ARHGAP5: variants seen among roughly 807,000 people sequenced by gnomAD.
ARHGAP5 encodes Rho GTPase activating protein 5.
Under a neutral mutation model 116.6 loss-of-function variants are expected in ARHGAP5, and 23 were observed. The ratio of observed to expected loss-of-function variants is 0.20; its 90% CI spans 0.14 to 0.28. The LOEUF (loss-of-function observed/expected upper bound fraction) is 0.28, where lower values mean the gene tolerates loss of function less well. ARHGAP5 is among the 10% of genes least tolerant of loss of function. The pLI, the probability that ARHGAP5 is intolerant of heterozygous loss-of-function variation, is 1.00. For synonymous variants in ARHGAP5, 574 were observed against 602.0 expected (o/e 0.95, Z 0.68); for missense variants, 1,405 against 1,774.8 (o/e 0.79, Z 3.74).
At chr14:32,137,930 C>G (rs949777987) in intron 3 of ARHGAP5, among the ~76,000 whole-genome samples, 1 of 150,832 alleles carries the variant, frequency 6.6e-6, no homozygotes, top group African/African-American at 2.4e-5. Flanking sequence ...CAAGATCATG[C>G]CATTGCACTC....
chr14:32,086,057 C>CTTT (rs2041826402), intron 1 of ARHGAP5, among the ~76,000 whole-genome samples: 1 of 152,084 alleles, frequency 6.6e-6, no homozygotes, highest in Admixed American at 6.6e-5. Flanking sequence ...CCTTGTGACT[C>CTTT]TTTTATTAAG....
chr14:32,117,313 G>A, intron 3 of ARHGAP5, 26 bp downstream of exon 3: 1 of 1,540,146 alleles, frequency 6.5e-7, no homozygotes, highest in Non-Finnish European at 8.8e-7. Flanking sequence ...CATTGCAAGA[G>A]ATTTGATTTT....
At chr14:32,130,512 A>G (rs1880426001) in intron 3 of ARHGAP5, among the ~76,000 whole-genome samples, 3 of 148,072 alleles carry the variant, frequency 2.0e-5, no homozygotes, top group Non-Finnish European at 4.5e-5. Context: ...GTGAACCACC[A>G]TGCCCAACCT....
chr14:32,121,772 C>G (rs1283089819), intron 3 of ARHGAP5, among the ~76,000 whole-genome samples: 1 of 152,204 alleles, frequency 6.6e-6, no homozygotes, highest in Non-Finnish European at 1.5e-5. Context: ...TCTCACCCCC[C>G]CATCAACTTT....
chr14:32,097,042 C>CA (rs965985253), intron 2 of ARHGAP5, among the ~76,000 whole-genome samples: 4 of 152,148 alleles, frequency 2.6e-5, no homozygotes, highest in African/African-American at 9.7e-5. Flanking sequence ...AGTCTGCTTA[C>CA]AATCATTGTT....
intron 1 of ARHGAP5, chr14:32,078,107 G>A (rs2041730057): frequency 7.8e-6 from 1 of 128,634 alleles, no homozygotes; most frequent in African/African-American, 2.9e-5. Flanking sequence ...GTTTTCGCTA[G>A]AATAACCTCC....
chr14:32,080,360 A>G (rs1013782716), intron 1 of ARHGAP5, among the ~76,000 whole-genome samples: 1 of 151,186 alleles, frequency 6.6e-6, no homozygotes, highest in Non-Finnish European at 1.5e-5. Context: ...AAAATAACTA[A>G]TGGGTACTAG....
At chr14:32,107,922 C>A (rs1046426287) in intron 2 of ARHGAP5, among the ~76,000 whole-genome samples, 13 of 152,066 alleles carry the variant, frequency 8.5e-5, no homozygotes, top group Non-Finnish European at 1.8e-4. Flanking sequence ...GGAGAACTCA[C>A]AACTGAGTTT....
rs1258957736 is a variant in ARHGAP5, at chr14:32,156,377, C to T, written c.*1429C>T. 1 of 152,260 alleles carries T rather than the reference C, an allele frequency of 6.6e-6. No individual in the cohort carries two copies. The highest frequency in any genetic ancestry group is 1.5e-5 in the Non-Finnish European group (1 of 67,816). 9.4% of individuals were successfully genotyped at this position (152,260 alleles called of 1,614,324 possible). ...ATAGATGATTTTCAGATTCAAGGCT[C>T]CTAAGAGTTTGATTTGCTCTGTTTT... On this transcript the variant is annotated 3_prime_UTR_variant, in exon 7 of 7. Transcript: ENST00000345122.
chr14:32,108,536 A>G (rs1032949445), intron 2 of ARHGAP5, among the ~76,000 whole-genome samples: 2 of 152,132 alleles, frequency 1.3e-5, no homozygotes, highest in African/African-American at 2.4e-5. Flanking sequence ...TGGCAATAAT[A>G]TGAGGGAGTT....
intron 4 of ARHGAP5, among the ~76,000 whole-genome samples, chr14:32,147,135 G>A (rs965248142): frequency 1.3e-5 from 2 of 152,090 alleles, no homozygotes; most frequent in Non-Finnish European, 2.9e-5. Flanking sequence ...TTCTATATGC[G>A]ATTAAAGATT....
At chr14:32,122,449 A>G (rs1391788777) in intron 3 of ARHGAP5, among the ~76,000 whole-genome samples, 1 of 152,150 alleles carries the variant, frequency 6.6e-6, no homozygotes, top group Non-Finnish European at 1.5e-5. Context: ...AATATTCTCC[A>G]TTCTGTGGGT....
chr14:32,124,007 CT>C (rs1242375644), intron 3 of ARHGAP5, among the ~76,000 whole-genome samples: 2 of 152,180 alleles, frequency 1.3e-5, no homozygotes, highest in Non-Finnish European at 2.9e-5. Context: ...AGAGACTCTT[CT>C]GCATATCCGA....
intron 3 of ARHGAP5, among the ~76,000 whole-genome samples, chr14:32,128,506 A>G (rs921430796): frequency 3.3e-5 from 5 of 152,226 alleles, no homozygotes; most frequent in Non-Finnish European, 7.3e-5. Context: ...CATTCCAAGG[A>G]TGGCTCTGCT....
intron 1 of ARHGAP5, among the ~76,000 whole-genome samples, chr14:32,083,496 A>G (rs1350544082): frequency 1.3e-5 from 2 of 152,184 alleles, no homozygotes; most frequent in African/African-American, 4.8e-5. Flanking sequence ...AGTTATTTCA[A>G]CTTGTACTTT....
In ARHGAP5 at chr14:32,094,724, G is replaced by A. The variant is rs145909534; in HGVS notation, c.3717+338G>A. Among the ~76,000 whole-genome samples the A allele has an allele frequency of 4.3e-3, 653 of 151,828 alleles. 8 individuals carry two copies. The highest frequency in any genetic ancestry group is 0.015 in the African/African-American group (619 of 41,406). ...TTCCCTTCTGCCCTACCAGTTTTGC[G>A]GTATTAATTTGACATACCTGTCTCA... On this transcript the variant is annotated intron_variant, in intron 2 of 6. Transcript: ENST00000345122.
At position 32,114,100 on chromosome 14, in the gene ARHGAP5, C is replaced by T. The variant is rs889785500; in HGVS notation, c.3718-3040C>T. 5.3e-5 allele frequency among the ~76,000 whole-genome samples: 8 copies of T among 152,068 alleles called. 1 individual carries two copies. Among genetic ancestry groups the T allele is most frequent in the Admixed American group, 2.6e-4 (4 of 15,266 alleles). ...AAAATCAGCTGGGCGTGATGGCACA[C>T]GCCTGTAGTCCCAGCTACTCGGGAG... On this transcript the variant is annotated intron_variant, in intron 2 of 6. Transcript: ENST00000345122.
chr14:32,100,627 A>G (rs973032344), intron 2 of ARHGAP5, among the ~76,000 whole-genome samples: 1 of 152,250 alleles, frequency 6.6e-6, no homozygotes, highest in South Asian at 2.1e-4. Flanking sequence ...TGCAAATACT[A>G]TACCATTTTA....
In ARHGAP5 at chr14:32,141,395, G is replaced by A. The variant is rs532985005; in HGVS notation, c.3866-4868G>A. ...TTAGTTTCAAAAGTGTACAAAAACC[G>A]CTCCTTTACAGCTTCATTTCCCATC... On this transcript the variant is annotated intron_variant, in intron 3 of 6. Coordinates refer to ENST00000345122, the MANE Select transcript of ARHGAP5 (RefSeq NM_001030055.2). Among the ~76,000 whole-genome samples, 9 of 152,242 alleles carry A rather than the reference G, an allele frequency of 5.9e-5. No individual in the cohort carries two copies. In the South Asian group the frequency reaches 1.4e-3, roughly 25 times the overall value.
Sources: allele counts gnomAD v4.1 joint callset (sites outside exome capture counted in the v4.1 genomes callset), GRCh38; gene constraint gnomAD v4.1.1; transcripts MANE v1.5; gene names NCBI Gene and HGNC (gene_info 2026-07-23, HGNC 2026-07-21).